NALF1: variants seen among roughly 807,000 people sequenced by gnomAD.
NALF1 encodes the protein family with sequence similarity 155 member A.
In NALF1, 3 loss-of-function variants were observed where a neutral mutation model predicts 48.4. That is an observed-to-expected ratio of 0.06 (90% CI 0.03 to 0.16). The LOEUF is 0.16. NALF1 is among the 10% of genes least tolerant of loss of function. The pLI, the probability that NALF1 is intolerant of heterozygous loss-of-function variation, is 1.00. For missense variants in NALF1, 526 were observed against 571.5 expected (o/e 0.92, Z 0.81); for synonymous variants, 262 against 245.7 (o/e 1.07, Z -0.62).
At chr13:107,681,215 A>G (rs192308035) in intron 1 of NALF1, among the ~76,000 whole-genome samples, 71 of 152,276 alleles carry the variant, frequency 4.7e-4, no homozygotes, top group Non-Finnish European at 8.7e-4. Context: ...CTTTGAAGCC[A>G]TGTGTCTTTA....
chr13:107,483,950 G>C (rs1885290366), intron 1 of NALF1, among the ~76,000 whole-genome samples: 1 of 151,824 alleles, frequency 6.6e-6, no homozygotes, highest in African/African-American at 2.4e-5. Flanking sequence ...AAAATTCTAA[G>C]GAATAGTTAC....
intron 1 of NALF1, among the ~76,000 whole-genome samples, chr13:107,543,403 A>C (rs529206274): frequency 3.3e-5 from 5 of 152,226 alleles, no homozygotes; most frequent in African/African-American, 1.2e-4. Context: ...TCACTCACAG[A>C]GAAAAGGATC....
At chr13:107,253,363 G>A (rs1281553639) in intron 1 of NALF1, among the ~76,000 whole-genome samples, 2 of 152,110 alleles carry the variant, frequency 1.3e-5, no homozygotes, top group African/African-American at 2.4e-5. Context: ...GAAACACTCA[G>A]TGATTGATTC....
chr13:107,175,108 C>T (rs1348089260), intron 2 of NALF1, among the ~76,000 whole-genome samples: 1 of 144,722 alleles, frequency 6.9e-6, no homozygotes, highest in African/African-American at 2.6e-5. Flanking sequence ...CCAGGATGTT[C>T]TCGATCTCCT....
chr13:107,717,328 C>T (rs1171927023), intron 1 of NALF1, among the ~76,000 whole-genome samples: 2 of 152,154 alleles, frequency 1.3e-5, no homozygotes, highest in Non-Finnish European at 2.9e-5. Flanking sequence ...ATGAGTATCA[C>T]GTATGGACAT....
chr13:107,364,974 CT>C (rs1331832554), intron 1 of NALF1, among the ~76,000 whole-genome samples: 3 of 80,478 alleles, frequency 3.7e-5, no homozygotes, highest in Non-Finnish European at 7.5e-5. Context: ...CCCTCTCCCC[CT>C]CCCCCTTCCC....
At chr13:107,631,146 G>A (rs1354891344) in intron 1 of NALF1, among the ~76,000 whole-genome samples, 1 of 152,012 alleles carries the variant, frequency 6.6e-6, no homozygotes, top group Non-Finnish European at 1.5e-5. Flanking sequence ...ACAGGCTCAC[G>A]CCACCACACC....
intron 2 of NALF1, 69 bp from the exon 3 acceptor site, chr13:107,170,855 T>C: frequency 6.9e-7 from 1 of 1,444,134 alleles, no homozygotes; most frequent in Non-Finnish European, 9.6e-7. Flanking sequence ...AGTGAAGCTG[T>C]TGCTTTAACA....
intron 1 of NALF1, among the ~76,000 whole-genome samples, chr13:107,225,012 T>C (rs1880073188): frequency 6.6e-6 from 1 of 152,072 alleles, no homozygotes; most frequent in South Asian, 2.1e-4. Flanking sequence ...TTATTTTATT[T>C]TGTTTTGTTT....
chr13:107,523,562 A>G (rs1456309268), intron 1 of NALF1, among the ~76,000 whole-genome samples: 1 of 118,902 alleles, frequency 8.4e-6, no homozygotes, highest in Non-Finnish European at 1.6e-5. Context: ...TCCAACTCCA[A>G]CCTTTCTTGG....
rs545995701 is a variant in NALF1 at position 107,719,773 on chromosome 13, T to G, written c.915+145909A>C. ...CTTTTCCTTTTTCCCCCAACATTGA[T>G]TCCCATGCTCCTGTCTCATTCAACC... On this transcript the variant is annotated intron_variant, in intron 1 of 2. Coordinates refer to ENST00000375915, the MANE Select transcript of NALF1 (RefSeq NM_001080396.3). Among the ~76,000 whole-genome samples, 5 of 152,230 alleles carry G rather than the reference T, an allele frequency of 3.3e-5. No individual in the cohort carries two copies. In the South Asian group the frequency reaches 1.0e-3, roughly 32 times the overall value.
intron 1 of NALF1, among the ~76,000 whole-genome samples, chr13:107,607,216 T>A (rs1385724742): frequency 1.3e-5 from 2 of 152,180 alleles, no homozygotes; most frequent in African/African-American, 4.8e-5. Flanking sequence ...TATAAAGTAA[T>A]TCTAATTGAA....
At chr13:107,579,338 G>T (rs1335787400) in intron 1 of NALF1, among the ~76,000 whole-genome samples, 3 of 152,194 alleles carry the variant, frequency 2.0e-5, no homozygotes, top group Non-Finnish European at 4.4e-5. Flanking sequence ...TGATCCGCCT[G>T]CCTAGGCCTC....
At chr13:107,378,027 C>T (rs1186421993) in intron 1 of NALF1, among the ~76,000 whole-genome samples, 1 of 152,180 alleles carries the variant, frequency 6.6e-6, no homozygotes, top group Admixed American at 6.5e-5. Flanking sequence ...TGCTAAAATG[C>T]CATCTCATCC....
intron 1 of NALF1, among the ~76,000 whole-genome samples, chr13:107,652,434 A>AAC (rs1473628837): frequency 4.6e-5 from 7 of 152,166 alleles, no homozygotes; most frequent in African/African-American, 1.7e-4. Context: ...AGCTTTCTTT[A>AAC]ACATATACAC....
At position 107,866,367 on chromosome 13, in the gene NALF1, CGCTGCT is replaced by C. The variant is rs3832903; in HGVS notation, c.224_229del (p.Gln75_Gln76del). ...CTGCTGCTGCTGCTGCTGCTGCTGC[CGCTGCT>C]GCTGCTGGTGCTCCTTGTCCCGGGC... On this transcript the variant is annotated inframe_deletion, in exon 1 of 3. Coordinates refer to ENST00000375915, the MANE Select transcript of NALF1 (RefSeq NM_001080396.3). This position sits in a 1 kb window ranked among gnomAD's most constrained non-coding sequence, Gnocchi z 4.4. 5 of 1,573,066 alleles carry C rather than the reference CGCTGCT, an allele frequency of 3.2e-6. No homozygotes were observed. The highest frequency in any genetic ancestry group is 4.4e-6 in the Non-Finnish European group (5 of 1,145,786).
chr13:107,625,571 A>T (rs1879647359), intron 1 of NALF1, among the ~76,000 whole-genome samples: 1 of 152,094 alleles, frequency 6.6e-6, no homozygotes, highest in Non-Finnish European at 1.5e-5. Flanking sequence ...TCTAGATCAC[A>T]ATTTATGAAT....
chr13:107,512,915 C>T (rs1489450249), intron 1 of NALF1, among the ~76,000 whole-genome samples: 3 of 152,070 alleles, frequency 2.0e-5, no homozygotes, highest in Non-Finnish European at 1.5e-5. Context: ...AGTCGAGTTC[C>T]GCCTCTTACC....
At chr13:107,340,509 T>C (rs117384594) in intron 1 of NALF1, among the ~76,000 whole-genome samples, 1,969 of 136,242 alleles carry the variant, frequency 0.014, 22 homozygotes, top group Non-Finnish European at 0.024. Flanking sequence ...TTCTTTCTTT[T>C]CTTTCTTTCT....
Sources: gnomAD v4.1 joint callset for allele counts (sites outside exome capture counted in the v4.1 genomes callset) on GRCh38, gnomAD v4.1.1 for gene constraint, Gnocchi (gnomAD v3.1) non-coding constraint, MANE v1.5 for transcripts, NCBI Gene and HGNC (gene_info 2026-07-23, HGNC 2026-07-21) for gene names.